The following FOXP1 variants were observed in gnomAD, a reference collection of about 807,000 sequenced individuals.
FOXP1 encodes the protein forkhead box P1.
Under a neutral mutation model 98.2 loss-of-function variants are expected in FOXP1, and 15 were observed. The observed-to-expected ratio is 0.15, with a 90% CI of 0.10 to 0.24. The LOEUF is 0.24. Among genes scored for constraint, FOXP1 ranks in the 10% least tolerant of loss-of-function variants. FOXP1 has a pLI of 1.00. For missense variants in FOXP1, 633 were observed against 848.5 expected (o/e 0.75, Z 3.15); for synonymous variants, 371 against 314.5 (o/e 1.18, Z -1.90).
chr3:71,100,453 T>C (rs1383239915), intron 7 of FOXP1, among the ~76,000 whole-genome samples: 1 of 152,318 alleles, frequency 6.6e-6, no homozygotes, highest in East Asian at 1.9e-4. Context: ...TGTCTCGCCT[T>C]AAGGTCTTAT....
At chr3:71,403,599 AATACTTTGGG>A (rs1278948228) in intron 3 of FOXP1, among the ~76,000 whole-genome samples, 1 of 152,246 alleles carries the variant, frequency 6.6e-6, no homozygotes, top group Non-Finnish European at 1.5e-5. Flanking sequence ...CTGTGATCCC[AATACTTTGGG>A]AGGCCAAGGT....
intron 7 of FOXP1, chr3:71,064,931 G>A (rs1216951667): frequency 1.5e-5 from 5 of 340,496 alleles, no homozygotes; most frequent in African/African-American, 6.8e-5. Flanking sequence ...CTGCACGCGC[G>A]CAGGGGCGCT....
chr3:71,092,961 G>C (rs2056042940), intron 7 of FOXP1, among the ~76,000 whole-genome samples: 1 of 152,126 alleles, frequency 6.6e-6, no homozygotes, highest in Non-Finnish European at 1.5e-5. Context: ...TTTACCAAAT[G>C]CTTTAAAAGG....
At chr3:71,348,506 AGTGTGTGTGTGTGTGCGTGT>A (rs1391279313) in intron 4 of FOXP1, among the ~76,000 whole-genome samples, 4 of 90,458 alleles carry the variant, frequency 4.4e-5, no homozygotes, top group Non-Finnish European at 9.1e-5. Flanking sequence ...TGCTGTGTTC[AGTGTGTGTGTGTGTGCGTGT>A]GTGTGTGTGT....
At position 71,168,464 on chromosome 3, in the gene FOXP1, G is replaced by A. The variant is rs192921813; in HGVS notation, c.180+29738C>T. Among the ~76,000 whole-genome samples, 303 of 152,298 alleles carry A rather than the reference G, an allele frequency of 2.0e-3. 3 individuals are homozygous for A. Among genetic ancestry groups the A allele is most frequent in the African/African-American group, 6.9e-3 (287 of 41,578 alleles). On this transcript the variant is annotated intron_variant, in intron 6 of 20. Coordinates refer to ENST00000649528, the MANE Select transcript of FOXP1 (RefSeq NM_001349338.3). ...CCTTGTCATCATGTAATAAGTATGAGAAATATATGTGCAATGGCCAAATGG... is the reference window on the plus strand; with the variant it reads ...CCTTGTCATCATGTAATAAGTATGAAAAATATATGTGCAATGGCCAAATGG...
chr3:71,381,147 TTCTC>T lies in FOXP1; in HGVS notation c.-167-21907_-167-21904del, dbSNP rs1252947104. Among the ~76,000 whole-genome samples the T allele has an allele frequency of 3.6e-5, 5 of 138,056 alleles. No homozygotes were observed. In the East Asian group the frequency reaches 5.8e-4, roughly 16 times the overall value. The allele number at this position is 138,056 out of a possible 152,430, so 90.6% of individuals were successfully genotyped here. A position where few individuals can be genotyped will look rare whatever the true frequency, so the allele number is the denominator to read the frequency against. On this transcript the variant is annotated intron_variant, in intron 3 of 20. Coordinates refer to ENST00000649528, the MANE Select transcript of FOXP1 (RefSeq NM_001349338.3). ...TGACTCAGAAACCTGAGACATGAGG[TTCTC>T]TCTTTTTTTTTTTTTTTGAGATGGA...
intron 2 of FOXP1, among the ~76,000 whole-genome samples, chr3:71,536,386 C>G (rs2044289965): frequency 6.6e-6 from 1 of 152,106 alleles, no homozygotes; most frequent in Non-Finnish European, 1.5e-5. Flanking sequence ...GTCTTCACCT[C>G]CACACCCCAG....
intron 6 of FOXP1, among the ~76,000 whole-genome samples, chr3:71,173,435 T>C (rs2061754866): frequency 6.7e-6 from 1 of 150,010 alleles, no homozygotes; most frequent in Non-Finnish European, 1.5e-5. Flanking sequence ...TTTGCCTTAG[T>C]TCTTGCCCTG....
intron 4 of FOXP1, among the ~76,000 whole-genome samples, chr3:71,300,621 C>T (rs929447988): frequency 6.6e-6 from 1 of 152,170 alleles, no homozygotes; most frequent in African/African-American, 2.4e-5. Context: ...AGAAACATTA[C>T]AAGCTGCCTC....
chr3:71,282,421 A>G (rs1461342893), intron 5 of FOXP1, among the ~76,000 whole-genome samples: 1 of 152,066 alleles, frequency 6.6e-6, no homozygotes, highest in Non-Finnish European at 1.5e-5. Context: ...AATAAAGATT[A>G]TTAACCTCCT....
At chr3:71,542,201 A>G (rs911457435) in intron 2 of FOXP1, 3 of 377,816 alleles carry the variant, frequency 7.9e-6, no homozygotes, top group Non-Finnish European at 1.6e-5. Context: ...TATGGCACAT[A>G]AATTTTACAA....
chr3:71,008,060 G>A (rs1489829248), intron 12 of FOXP1, among the ~76,000 whole-genome samples: 1 of 152,082 alleles, frequency 6.6e-6, no homozygotes, highest in African/African-American at 2.4e-5. Context: ...ACTAAGCAAG[G>A]ATACAAATGA....
At chr3:71,048,660 T>C (rs544323843) in intron 9 of FOXP1, among the ~76,000 whole-genome samples, 1 of 152,228 alleles carries the variant, frequency 6.6e-6, no homozygotes, top group South Asian at 2.1e-4. Flanking sequence ...TAAAACCCAG[T>C]GATAGTTATA....
intron 4 of FOXP1, among the ~76,000 whole-genome samples, chr3:71,310,078 T>C (rs1170548888): frequency 6.6e-6 from 1 of 152,216 alleles, no homozygotes; most frequent in Non-Finnish European, 1.5e-5. Flanking sequence ...CTTATTCAGC[T>C]CAGTCTACAA....
At chr3:71,126,768 C>T (rs1339149624) in intron 6 of FOXP1, among the ~76,000 whole-genome samples, 7 of 149,600 alleles carry the variant, frequency 4.7e-5, no homozygotes, top group Admixed American at 3.3e-4. Context: ...AGGCTGCAGT[C>T]GGCTGAGATA....
chr3:71,072,366 A>G (rs1479859497), intron 7 of FOXP1, among the ~76,000 whole-genome samples: 1 of 152,166 alleles, frequency 6.6e-6, no homozygotes. Flanking sequence ...CACCAGAAAT[A>G]TGGATTAAAA....
At chr3:71,058,380 A>G (rs1450837015) in intron 7 of FOXP1, among the ~76,000 whole-genome samples, 1 of 152,202 alleles carries the variant, frequency 6.6e-6, no homozygotes, top group Non-Finnish European at 1.5e-5. Flanking sequence ...AATTTGGTTA[A>G]TAATTTAGAA....
chr3:71,577,066 T>C (rs1192290752), intron 2 of FOXP1, among the ~76,000 whole-genome samples: 2 of 152,146 alleles, frequency 1.3e-5, no homozygotes, highest in East Asian at 1.9e-4. Context: ...AAAACAACAG[T>C]GCGTGCGAAG....
chr3:71,507,934 T>C (rs1380894983), intron 2 of FOXP1, among the ~76,000 whole-genome samples: 1 of 152,216 alleles, frequency 6.6e-6, no homozygotes, highest in Non-Finnish European at 1.5e-5. Context: ...CTGACAGGAA[T>C]AAGCACATTA....
Sources: gnomAD v4.1 joint callset for allele counts (sites outside exome capture counted in the v4.1 genomes callset) on GRCh38, gnomAD v4.1.1 for gene constraint, MANE v1.5 for transcripts, NCBI Gene and HGNC (gene_info 2026-07-23, HGNC 2026-07-21) for gene names.